The following ATG10 variants were observed in gnomAD, a reference collection of about 807,000 sequenced individuals.
The protein encoded by ATG10 is ubiquitin-like-conjugating enzyme ATG10.
In ATG10, 30 loss-of-function variants were observed where a neutral mutation model predicts 32.1. The observed-to-expected ratio is 0.94, with a 90% confidence interval of 0.70 to 1.27. ATG10 has a LOEUF of 1.27. Ranked by LOEUF, ATG10 falls within the 50% of genes most tolerant of loss-of-function variation. The pLI, the probability that ATG10 is intolerant of heterozygous loss-of-function variation, is 0.00. For synonymous variants in ATG10, 87 were observed against 91.5 expected (o/e 0.95, Z 0.28); for missense variants, 233 against 262.3 (o/e 0.89, Z 0.77).
At chr5:82,077,758 G>A (rs1423176760) in intron 3 of ATG10, among the ~76,000 whole-genome samples, 4 of 152,202 alleles carry the variant, frequency 2.6e-5, no homozygotes, top group Non-Finnish European at 5.9e-5. Flanking sequence ...AATCCTGTCT[G>A]TGGCACTTCG....
At chr5:82,205,098 T>TTTTG (rs1243602771) in intron 5 of ATG10, among the ~76,000 whole-genome samples, 1 of 152,186 alleles carries the variant, frequency 6.6e-6, no homozygotes, top group Admixed American at 6.5e-5. Flanking sequence ...GAGGCATGTT[T>TTTTG]TTTGTTTGTT....
chr5:82,158,068 T>C (rs541893091), intron 3 of ATG10, among the ~76,000 whole-genome samples: 1 of 152,338 alleles, frequency 6.6e-6, no homozygotes, highest in East Asian at 1.9e-4. Context: ...ATAAAATAGC[T>C]GTGAAGTGTC....
At chr5:82,072,865 G>C (rs1049742981) in intron 3 of ATG10, among the ~76,000 whole-genome samples, 1 of 152,126 alleles carries the variant, frequency 6.6e-6, no homozygotes, top group African/African-American at 2.4e-5. Context: ...TAATGTTATG[G>C]ATAATTACAT....
At chr5:82,127,610 T>G (rs1304846426) in intron 3 of ATG10, among the ~76,000 whole-genome samples, 1 of 152,142 alleles carries the variant, frequency 6.6e-6, no homozygotes, top group East Asian at 1.9e-4. Flanking sequence ...GAGTTTCTTC[T>G]TCTTGAGTTC....
At chr5:82,081,667 T>A (rs1224946892) in intron 3 of ATG10, among the ~76,000 whole-genome samples, 2 of 152,240 alleles carry the variant, frequency 1.3e-5, no homozygotes, top group Admixed American at 1.3e-4. Context: ...CGTTTATTGA[T>A]TTGCGTATGT....
chr5:82,121,174 A>G (rs540584084), intron 3 of ATG10, among the ~76,000 whole-genome samples: 80 of 152,298 alleles, frequency 5.3e-4, no homozygotes, highest in Middle Eastern at 3.4e-3. Context: ...ATGGGGAATT[A>G]TGGGAACTCC....
Position 82,192,461 on chromosome 5 carries a change from A to G in ATG10, c.453+13874A>G, listed in dbSNP as rs190096365. On this transcript the variant is annotated intron_variant, in intron 5 of 7. Coordinates refer to ENST00000282185, the MANE Select transcript of ATG10 (RefSeq NM_031482.5). ...GCTTGACCCAAAGAGAGTTTCTTCA[A>G]CAGGTTAGGGGTTGGGCTCTGGAGT... Among the ~76,000 whole-genome samples the G allele has an allele frequency of 1.7e-4, 26 of 152,312 alleles. No homozygotes were observed. The East Asian group carries it at 4.2e-3, about 25-fold the overall frequency.
chr5:82,136,481 A>G (rs985587202), intron 3 of ATG10, among the ~76,000 whole-genome samples: 5 of 152,156 alleles, frequency 3.3e-5, no homozygotes, highest in Admixed American at 1.3e-4. Flanking sequence ...TCCTTCATTT[A>G]TGAAGCTTAG....
chr5:82,168,592 G>C (rs1202660154), intron 4 of ATG10, among the ~76,000 whole-genome samples: 1 of 152,188 alleles, frequency 6.6e-6, no homozygotes, highest in East Asian at 1.9e-4. Flanking sequence ...TTCTATTATT[G>C]GCCCAGGAAA....
chr5:82,077,365 C>T (rs1764311706), intron 3 of ATG10, among the ~76,000 whole-genome samples: 1 of 152,040 alleles, frequency 6.6e-6, no homozygotes, highest in Admixed American at 6.6e-5. Context: ...AATAGACTAA[C>T]AAAATATAAG....
At chr5:82,074,830 C>G (rs907447413) in intron 3 of ATG10, among the ~76,000 whole-genome samples, 1 of 152,144 alleles carries the variant, frequency 6.6e-6, no homozygotes, top group Non-Finnish European at 1.5e-5. Context: ...TCACACTTAG[C>G]GATAGTCAGG....
At chr5:82,110,149 A>C (rs1029271577) in intron 3 of ATG10, among the ~76,000 whole-genome samples, 6 of 152,078 alleles carry the variant, frequency 3.9e-5, no homozygotes, top group Admixed American at 2.6e-4. Flanking sequence ...TTATGGCTGC[A>C]TAGTATTCCA....
intron 1 of ATG10, among the ~76,000 whole-genome samples, chr5:81,982,661 TAAAC>T (rs1761088250): frequency 6.6e-6 from 1 of 152,082 alleles, no homozygotes; most frequent in Non-Finnish European, 1.5e-5. Flanking sequence ...GGTCAGCAGA[TAAAC>T]AAGTGAACAA....
chr5:82,090,242 A>C (rs1309180899), intron 3 of ATG10, among the ~76,000 whole-genome samples: 1 of 152,178 alleles, frequency 6.6e-6, no homozygotes, highest in African/African-American at 2.4e-5. Flanking sequence ...CATATGACCC[A>C]GCAATTATGC....
intron 5 of ATG10, among the ~76,000 whole-genome samples, chr5:82,194,997 A>C (rs1744797704): frequency 6.6e-6 from 1 of 152,182 alleles, no homozygotes; most frequent in Non-Finnish European, 1.5e-5. Context: ...GGCTCAGGGA[A>C]GTCACCCAGG....
intron 3 of ATG10, among the ~76,000 whole-genome samples, chr5:82,074,621 T>C (rs1357290297): frequency 6.6e-6 from 1 of 152,136 alleles, no homozygotes; most frequent in Non-Finnish European, 1.5e-5. Context: ...CCAAGGCAGG[T>C]ATGAGGCAAT....
intron 3 of ATG10, among the ~76,000 whole-genome samples, chr5:82,154,006 C>T (rs1375972367): frequency 6.6e-6 from 1 of 151,450 alleles, no homozygotes; most frequent in African/African-American, 2.4e-5. Context: ...TCAAGCAATC[C>T]TCCTGCCTCA....
intron 3 of ATG10, among the ~76,000 whole-genome samples, chr5:82,079,852 A>G (rs1764412578): frequency 1.3e-5 from 2 of 152,212 alleles, no homozygotes; most frequent in Admixed American, 6.5e-5. Context: ...TTATAGCAGC[A>G]TGATTTATAA....
chr5:82,104,878 C>T (rs1765395985), intron 3 of ATG10, among the ~76,000 whole-genome samples: 1 of 152,024 alleles, frequency 6.6e-6, no homozygotes. Flanking sequence ...AAGTTATATT[C>T]ATTTAAATGT....
Sources: gnomAD v4.1 joint callset for allele counts (sites outside exome capture counted in the v4.1 genomes callset) on GRCh38, gnomAD v4.1.1 for gene constraint, MANE v1.5 for transcripts, NCBI Gene and HGNC (gene_info 2026-07-23, HGNC 2026-07-21) for gene names.